Variants in WWOX observed in about 807,000 individuals in gnomAD.
WWOX encodes WW domain containing oxidoreductase.
A neutral mutation model predicts 46.2 loss-of-function variants in WWOX; 69 were observed. The observed-to-expected ratio is 1.49, with a 90% CI of 1.23 to 1.82. The LOEUF is 1.82. Among genes scored for constraint, WWOX ranks in the 40% most tolerant of loss-of-function variants. The probability of loss-of-function intolerance (pLI) is 0.00; values close to 1 mark genes in which losing one functional copy is unlikely to be tolerated. For missense variants in WWOX, 919 were observed against 542.6 expected, an observed-to-expected ratio of 1.69 and a Z score of -6.89; for synonymous variants, 359 against 202.6, an observed-to-expected ratio of 1.77 and a Z score of -6.56.
In WWOX at chr16:78,150,401, C is replaced by T. The variant is rs181858888; in HGVS notation, c.410-13782C>T. Reference sequence around the variant, plus strand: ...TTGTTGTTGTTTTGAGATAGGGTCTCGCTCTGTTGCCCAGGCTGCAGTGCA... The same window carrying T: ...TTGTTGTTGTTTTGAGATAGGGTCTTGCTCTGTTGCCCAGGCTGCAGTGCA... On this transcript the variant is annotated intron_variant, in intron 4 of 8. Transcript: ENST00000566780. 2.4e-3 allele frequency among the ~76,000 whole-genome samples: 372 copies of T among 152,238 alleles called. 1 individual carries two copies. The highest frequency in any genetic ancestry group is 3.8e-3 in the Non-Finnish European group (258 of 68,020).
At chr16:79,014,265 G>A (rs1040062485) in intron 8 of WWOX, among the ~76,000 whole-genome samples, 1 of 152,138 alleles carries the variant, frequency 6.6e-6, no homozygotes, top group African/African-American at 2.4e-5. Flanking sequence ...CATGGGACGG[G>A]AGAATACCAT....
chr16:78,447,895 C>T (rs2083599228), intron 8 of WWOX, among the ~76,000 whole-genome samples: 1 of 152,256 alleles, frequency 6.6e-6, no homozygotes, highest in African/African-American at 2.4e-5. Context: ...CGTCCACCTC[C>T]TGGGTTTAAT....
intron 8 of WWOX, among the ~76,000 whole-genome samples, chr16:78,641,824 A>G (rs144093185): frequency 2.2e-3 from 338 of 152,336 alleles, no homozygotes; most frequent in African/African-American, 7.7e-3. Context: ...CAAGCTTGGC[A>G]GAAAGCAGCT....
intron 8 of WWOX, among the ~76,000 whole-genome samples, chr16:78,635,352 C>G (rs1386271565): frequency 6.6e-6 from 1 of 152,112 alleles, no homozygotes; most frequent in Non-Finnish European, 1.5e-5. Flanking sequence ...GGATCTAGGC[C>G]ACTCCCTTAG....
intron 8 of WWOX, among the ~76,000 whole-genome samples, chr16:79,168,128 C>T (rs2050630637): frequency 6.6e-6 from 1 of 152,140 alleles, no homozygotes; most frequent in South Asian, 2.1e-4. Flanking sequence ...ATCTGTTCAT[C>T]CATTGATGGA....
chr16:78,547,107 G>C (rs565085854), intron 8 of WWOX, among the ~76,000 whole-genome samples: 15 of 129,674 alleles, frequency 1.2e-4, no homozygotes, highest in African/African-American at 4.6e-4. Flanking sequence ...CAGCCTGGGA[G>C]AGTGTGAGAC....
chr16:78,371,611 G>A (rs2081688761), intron 5 of WWOX, among the ~76,000 whole-genome samples: 1 of 151,928 alleles, frequency 6.6e-6, no homozygotes, highest in Non-Finnish European at 1.5e-5. Context: ...GTGTTATTTG[G>A]CACATGCAAG....
intron 6 of WWOX, among the ~76,000 whole-genome samples, chr16:78,393,244 G>A (rs1659976106): frequency 6.6e-6 from 1 of 152,168 alleles, no homozygotes; most frequent in Non-Finnish European, 1.5e-5. Context: ...ATGAGGCTTT[G>A]CACATTTTCC....
chr16:78,915,561 T>G (rs2045229160), intron 8 of WWOX, among the ~76,000 whole-genome samples: 1 of 152,096 alleles, frequency 6.6e-6, no homozygotes, highest in Non-Finnish European at 1.5e-5. Context: ...TTTGAAGATT[T>G]AAAAAAATGA....
At chr16:78,154,580 G>A (rs2034534123) in intron 4 of WWOX, among the ~76,000 whole-genome samples, 2 of 139,002 alleles carry the variant, frequency 1.4e-5, no homozygotes, top group Non-Finnish European at 3.0e-5. Context: ...TCTTGGCCCA[G>A]AGGTTCTGCT....
intron 5 of WWOX, among the ~76,000 whole-genome samples, chr16:78,209,818 T>A (rs563151659): frequency 4.5e-4 from 68 of 152,278 alleles, no homozygotes; most frequent in African/African-American, 1.5e-3. Context: ...ATGGATCACA[T>A]TTATGATGAA....
rs1597067735 is a variant in WWOX, at chr16:78,343,726, A to G, written c.517-43134A>G. 1.6e-5 allele frequency among the ~76,000 whole-genome samples: 2 copies of G among 121,562 alleles called. 1 individual carries two copies. The highest frequency in any genetic ancestry group is 3.9e-5 in the Non-Finnish European group (2 of 50,700). 79.7% of individuals were successfully genotyped at this position (121,562 alleles called of 152,430 possible). A position where few individuals can be genotyped will look rare whatever the true frequency, so the allele number is the denominator to read the frequency against. On this transcript the variant is annotated intron_variant, in intron 5 of 8. Transcript: ENST00000566780. Reference sequence around the variant, plus strand: ...CCGGCTAGGGACCTCTTTAATGGTCATTCATTTGGGAGATGACCTTTGGTT... The same window carrying G: ...CCGGCTAGGGACCTCTTTAATGGTCGTTCATTTGGGAGATGACCTTTGGTT...
intron 8 of WWOX, among the ~76,000 whole-genome samples, chr16:78,795,984 A>G (rs1348285416): frequency 6.6e-6 from 1 of 152,182 alleles, no homozygotes; most frequent in Non-Finnish European, 1.5e-5. Flanking sequence ...GGCAAAGAAC[A>G]TTTTGTGAAT....
chr16:79,121,330 G>C (rs781145832), intron 8 of WWOX, among the ~76,000 whole-genome samples: 11 of 152,166 alleles, frequency 7.2e-5, no homozygotes, highest in Non-Finnish European at 1.0e-4. Flanking sequence ...CTTCTCCATA[G>C]TCGCAGTCAG....
At chr16:78,496,667 A>T (rs562571581) in intron 8 of WWOX, among the ~76,000 whole-genome samples, 1 of 152,290 alleles carries the variant, frequency 6.6e-6, no homozygotes, top group African/African-American at 2.4e-5. Context: ...TTTCTGGTTT[A>T]CTCGTGGTTT....
chr16:79,016,949 C>G (rs904693125), intron 8 of WWOX: 1 of 152,208 alleles, frequency 6.6e-6, no homozygotes, highest in Non-Finnish European at 1.5e-5. Flanking sequence ...ATCCGACCAC[C>G]TCGACCTCGA....
At chr16:78,544,900 G>C (rs1298311198) in intron 8 of WWOX, among the ~76,000 whole-genome samples, 1 of 151,780 alleles carries the variant, frequency 6.6e-6, no homozygotes, top group South Asian at 2.1e-4. Flanking sequence ...ATTATGGCCA[G>C]GGGTGGTGGC....
intron 8 of WWOX, among the ~76,000 whole-genome samples, chr16:79,142,690 G>C (rs1460408863): frequency 1.3e-5 from 2 of 152,068 alleles, no homozygotes; most frequent in Non-Finnish European, 2.9e-5. Flanking sequence ...GCCTGGATCA[G>C]TTTTTGTTTT....
chr16:78,761,005 C>T (rs2049778891), intron 8 of WWOX, among the ~76,000 whole-genome samples: 1 of 152,122 alleles, frequency 6.6e-6, no homozygotes, highest in Admixed American at 6.5e-5. Flanking sequence ...GAGCATAGCA[C>T]AGGAAAGACC....
Sources: allele counts gnomAD v4.1 joint callset (sites outside exome capture counted in the v4.1 genomes callset), GRCh38; gene constraint gnomAD v4.1.1; transcripts MANE v1.5; gene names NCBI Gene and HGNC (gene_info 2026-07-23, HGNC 2026-07-21).